Variants in TMEM184B observed in about 807,000 individuals in gnomAD.
TMEM184B encodes putative MAPK-activating protein FM08.
Under a neutral mutation model 41.8 loss-of-function variants are expected in TMEM184B, and 17 were observed. The ratio of observed to expected loss-of-function variants is 0.41; its 90% confidence interval spans 0.28 to 0.61. The LOEUF is 0.61. TMEM184B is among the 20% of genes least tolerant of loss of function. TMEM184B has a pLI of 0.34. For missense variants in TMEM184B, 393 were observed against 557.8 expected (o/e 0.70, Z 2.98); for synonymous variants, 240 against 229.5 (o/e 1.05, Z -0.41).
rs544405923 is a variant in TMEM184B at position 38,263,349 on chromosome 22, C to G, written c.-59+9535G>C. On this transcript the variant is annotated intron_variant, in intron 1 of 8. Transcript: ENST00000361906. ...GACTTGCGGTGTCTGCCCAGAGACC[C>G]CCTGGGCATAGACAAGCAAAGACAC... is the stretch of plus-strand genomic sequence containing the variant. 5.3e-5 allele frequency among the ~76,000 whole-genome samples: 8 copies of G among 152,316 alleles called. No homozygotes were observed. The East Asian group carries it at 1.5e-3, about 29-fold the overall frequency.
rs1486178171 is a variant in TMEM184B at position 38,221,445 on chromosome 22, C to T, written c.*24G>A. 5.7e-6 allele frequency: 9 copies of T among 1,573,034 alleles called. No homozygotes were observed. Among genetic ancestry groups the T allele is most frequent in the Middle Eastern group, 1.7e-4 (1 of 5,868 alleles). ...AGCCTGACCGTGGCTATGGCGCCAGCACTTCCGCCACTGCAGCCCGCACCT... is the reference window on the plus strand; with the variant it reads ...AGCCTGACCGTGGCTATGGCGCCAGTACTTCCGCCACTGCAGCCCGCACCT... On this transcript the variant is annotated 3_prime_UTR_variant, in exon 9 of 9. Transcript: ENST00000361906.
chr22:38,258,019 C>A (rs1240268671), intron 1 of TMEM184B, among the ~76,000 whole-genome samples: 2 of 152,196 alleles, frequency 1.3e-5, no homozygotes. Flanking sequence ...CCCACCTCCC[C>A]CACATACAGC....
At chr22:38,237,602 T>C (rs1354797711) in intron 3 of TMEM184B, among the ~76,000 whole-genome samples, 3 of 152,252 alleles carry the variant, frequency 2.0e-5, no homozygotes, top group Non-Finnish European at 4.4e-5. Context: ...AAGTTAATTT[T>C]GCCCACTTTG....
chr22:38,222,597 G>T (rs530102334), intron 8 of TMEM184B: 1 of 985,286 alleles, frequency 1.0e-6, no homozygotes, highest in Admixed American at 6.1e-5. Context: ...ACAGTGACCA[G>T]AACTGACATG....
At chr22:38,230,809 G>A in intron 4 of TMEM184B, 65 bp from the exon 5 acceptor site, 2 of 1,516,196 alleles carry the variant, frequency 1.3e-6, no homozygotes, top group Non-Finnish European at 1.8e-6. Context: ...GAACAGTGGG[G>A]TGGGGAAGGC....
Position 38,219,512 on chromosome 22 carries a change from T to A in TMEM184B, c.*1957A>T, listed in dbSNP as rs2091200720. 1 of 985,180 alleles carries A rather than the reference T, an allele frequency of 1.0e-6. No individual in the cohort carries two copies. The highest frequency in any genetic ancestry group is 1.8e-5 in the African/African-American group (1 of 56,990). 61.0% of individuals were successfully genotyped at this position (985,180 alleles called of 1,614,324 possible). ...ATTCTTTATGTACAAAGAGCTACTC[T>A]ACCTGGAAAGAAAATTAAAAAAAAA... On this transcript the variant is annotated 3_prime_UTR_variant, in exon 9 of 9. Transcript: ENST00000361906.
intron 1 of TMEM184B, among the ~76,000 whole-genome samples, chr22:38,255,874 C>T (rs1180394034): frequency 6.6e-6 from 1 of 152,106 alleles, no homozygotes; most frequent in African/African-American, 2.4e-5. Context: ...AGGACAGTGA[C>T]GATGATGGGT....
chr22:38,261,124 C>T (rs749098844), intron 1 of TMEM184B, among the ~76,000 whole-genome samples: 5 of 152,206 alleles, frequency 3.3e-5, no homozygotes, highest in Non-Finnish European at 5.9e-5. Context: ...GAATGACAGC[C>T]GGCCCTCCTG....
intron 1 of TMEM184B, among the ~76,000 whole-genome samples, chr22:38,249,236 G>A (rs1217283900): frequency 6.6e-6 from 1 of 152,088 alleles, no homozygotes; most frequent in African/African-American, 2.4e-5. Context: ...TGCGGCTTCC[G>A]CCTCCCGGGC....
chr22:38,268,981 T>C (rs890443816), intron 1 of TMEM184B, among the ~76,000 whole-genome samples: 9 of 152,388 alleles, frequency 5.9e-5, no homozygotes, highest in Admixed American at 1.3e-4. Context: ...CATCAGACAT[T>C]GGTCAGGCCA....
intron 8 of TMEM184B, chr22:38,222,633 G>A (rs965974881): frequency 1.0e-5 from 10 of 985,338 alleles, no homozygotes; most frequent in East Asian, 2.3e-4. Flanking sequence ...GACCAAGAGC[G>A]GGACCTACCG....
chr22:38,267,472 A>ACC (rs2092460506), intron 1 of TMEM184B, among the ~76,000 whole-genome samples: 1 of 146,884 alleles, frequency 6.8e-6, no homozygotes, highest in Non-Finnish European at 1.5e-5. Flanking sequence ...TTTCGCTGTC[A>ACC]CCCAGGCTGG....
At position 38,225,621 on chromosome 22, in the gene TMEM184B, G is replaced by A; in HGVS notation, c.618-28C>T. The A allele has an allele frequency of 6.3e-7, 1 of 1,590,984 alleles. No homozygotes were observed. The highest frequency in any genetic ancestry group is 8.5e-7 in the Non-Finnish European group (1 of 1,171,950). On this transcript the variant is annotated intron_variant, in intron 6 of 8. Transcript: ENST00000361906. The surrounding 1 kb of genome is among the most constrained non-coding windows in gnomAD (Gnocchi z 4.4). ...GCGGGACGGGGAGCATTTTCTGGCT[G>A]GGACAGACCCTTGGAGGGAAGGGGC...
At chr22:38,264,935 T>G (rs2092423141) in intron 1 of TMEM184B, among the ~76,000 whole-genome samples, 1 of 152,196 alleles carries the variant, frequency 6.6e-6, no homozygotes, top group Non-Finnish European at 1.5e-5. Context: ...CAAATCATAC[T>G]TACATGCTCT....
chr22:38,241,033 A>G (rs1001189984), intron 3 of TMEM184B, among the ~76,000 whole-genome samples: 1 of 152,252 alleles, frequency 6.6e-6, no homozygotes, highest in Non-Finnish European at 1.5e-5. Flanking sequence ...AACCATGAAC[A>G]AGGAGGAAAC....
At chr22:38,230,574 G>A in intron 5 of TMEM184B, 95 bp downstream of exon 5, 2 of 1,298,410 alleles carry the variant, frequency 1.5e-6, no homozygotes, top group Non-Finnish European at 2.2e-6. Flanking sequence ...CATAGGAAAG[G>A]GGACCTCTAA....
chr22:38,266,566 G>A lies in TMEM184B; in HGVS notation c.-59+6318C>T, dbSNP rs1056332525. 1.1e-4 allele frequency among the ~76,000 whole-genome samples: 17 copies of A among 152,232 alleles called. 1 individual carries two copies. Among genetic ancestry groups the A allele is most frequent in the Admixed American group, 9.8e-4 (15 of 15,276 alleles). On this transcript the variant is annotated intron_variant, in intron 1 of 8. Transcript: ENST00000361906. ...TCCTGCAGAGAATTTGAAACAAAGC[G>A]CAAGAGCTGTTTTAGAACTTCTCTG...
chr22:38,226,890 G>A lies in TMEM184B; in HGVS notation c.526-20C>T, dbSNP rs762719380. The A allele has an allele frequency of 1.5e-5, 24 of 1,567,178 alleles. No homozygotes were observed. The highest frequency in any genetic ancestry group is 1.9e-5 in the Non-Finnish European group (22 of 1,156,920). ...GGTGGCCTGTTGGGGGGAAAAGGAG[G>A]TTGAGTGTGGAGGAGGAGCACAGAA... On this transcript the variant is annotated intron_variant, in intron 5 of 8. Transcript: ENST00000361906. The surrounding 1 kb of genome is among the most constrained non-coding windows in gnomAD (Gnocchi z 4.6).
chr22:38,268,252 G>C (rs905292432), intron 1 of TMEM184B, among the ~76,000 whole-genome samples: 5 of 151,848 alleles, frequency 3.3e-5, no homozygotes, highest in Admixed American at 1.3e-4. Context: ...ATGATGGTGG[G>C]TGCCTGTAAT....
Sources: gnomAD v4.1 joint callset for allele counts (sites outside exome capture counted in the v4.1 genomes callset) on GRCh38, gnomAD v4.1.1 for gene constraint, Gnocchi (gnomAD v3.1) non-coding constraint, MANE v1.5 for transcripts, NCBI Gene and HGNC (gene_info 2026-07-23, HGNC 2026-07-21) for gene names.